The following INPP4B variants were observed in gnomAD, a reference collection of about 807,000 sequenced individuals.
INPP4B encodes the protein inositol polyphosphate 4-phosphatase type II.
INPP4B carries 55 observed loss-of-function variants against 122.5 expected under a neutral mutation model. The ratio of observed to expected loss-of-function variants is 0.45; its 90% CI spans 0.36 to 0.56. The LOEUF (loss-of-function observed/expected upper bound fraction) is 0.56, where lower values mean the gene tolerates loss of function less well. Among genes scored for constraint, INPP4B ranks in the 20% least tolerant of loss-of-function variants. INPP4B has a pLI of 0.00. For synonymous variants in INPP4B, 403 were observed against 388.7 expected (o/e 1.04, Z -0.43); for missense variants, 1,000 against 1,097.7 (o/e 0.91, Z 1.26).
intron 12 of INPP4B, among the ~76,000 whole-genome samples, chr4:142,214,922 A>G (rs1484795605): frequency 6.6e-6 from 1 of 152,192 alleles, no homozygotes; most frequent in Non-Finnish European, 1.5e-5. Flanking sequence ...TATGTGTTAT[A>G]TTACTTATTT....
At chr4:142,760,695 G>A (rs1433532713) in intron 1 of INPP4B, among the ~76,000 whole-genome samples, 4 of 152,006 alleles carry the variant, frequency 2.6e-5, no homozygotes, top group Admixed American at 6.6e-5. Flanking sequence ...ATTAAATTTT[G>A]TATAAAACCA....
intron 5 of INPP4B, among the ~76,000 whole-genome samples, chr4:142,410,640 T>C (rs1414661168): frequency 6.6e-6 from 1 of 152,184 alleles, no homozygotes; most frequent in African/African-American, 2.4e-5. Context: ...AGATAAAACC[T>C]TATTTGAGAG....
intron 2 of INPP4B, among the ~76,000 whole-genome samples, chr4:142,660,204 G>A (rs1380227933): frequency 6.6e-6 from 1 of 152,100 alleles, no homozygotes; most frequent in Non-Finnish European, 1.5e-5. Flanking sequence ...CCCACTTCAT[G>A]GGTACAAGCT....
chr4:142,061,555 A>G (rs1318311711), intron 25 of INPP4B, among the ~76,000 whole-genome samples: 1 of 152,082 alleles, frequency 6.6e-6, no homozygotes, highest in Non-Finnish European at 1.5e-5. Flanking sequence ...GTTAATTTAC[A>G]CCTATTCTTT....
In INPP4B at chr4:142,729,294, C is replaced by T. The variant is rs532156355; in HGVS notation, c.-253-3393G>A. On this transcript the variant is annotated intron_variant, in intron 1 of 25. Transcript: ENST00000262992. ...GTCCACGGCTTGGGGGTTGGGGATCCCTGCTAGCTCATCAAACACATTCTC... is the reference window on the plus strand; with the variant it reads ...GTCCACGGCTTGGGGGTTGGGGATCTCTGCTAGCTCATCAAACACATTCTC... 2.4e-3 allele frequency among the ~76,000 whole-genome samples: 372 copies of T among 152,272 alleles called. 1 individual carries two copies. The highest frequency in any genetic ancestry group is 6.8e-3 in the South Asian group (33 of 4,822).
intron 1 of INPP4B, among the ~76,000 whole-genome samples, chr4:142,805,278 G>A (rs1391592894): frequency 6.6e-6 from 1 of 152,168 alleles, no homozygotes; most frequent in East Asian, 1.9e-4. Flanking sequence ...TTAAAAGGAT[G>A]TCCGCAATCA....
chr4:142,404,609 G>T (rs1022968633), intron 6 of INPP4B, among the ~76,000 whole-genome samples: 13 of 152,098 alleles, frequency 8.5e-5, no homozygotes, highest in African/African-American at 3.1e-4. Flanking sequence ...CCCATCTGAT[G>T]AGTAATATTT....
At chr4:142,766,516 G>A (rs6836554) in intron 1 of INPP4B, among the ~76,000 whole-genome samples, 3,067 of 151,740 alleles carry the variant, frequency 0.02, 101 homozygotes, top group African/African-American at 0.068. Context: ...GATTACAGCC[G>A]TGCACCACCG....
Position 142,136,595 on chromosome 4 carries a change from A to T in INPP4B, c.1720+9245T>A, listed in dbSNP as rs1579036989. ...CCAGGTGAGTTCTCAGAAGAGTTTA[A>T]TATGACTGGATCATGGAGGATGAGG... is the stretch of plus-strand genomic sequence containing the variant. On this transcript the variant is annotated intron_variant, in intron 18 of 25. Coordinates refer to ENST00000262992, the MANE Select transcript of INPP4B (RefSeq NM_001101669.3). Among the ~76,000 whole-genome samples, 5 of 152,318 alleles carry T rather than the reference A, an allele frequency of 3.3e-5. 1 individual carries two copies. The highest frequency in any genetic ancestry group is 3.3e-4 in the Admixed American group (5 of 15,308).
At chr4:142,270,933 T>G (rs1266326372) in intron 9 of INPP4B, among the ~76,000 whole-genome samples, 159 bp from the exon 10 acceptor site, 1 of 148,538 alleles carries the variant, frequency 6.7e-6, no homozygotes, top group South Asian at 2.2e-4. Flanking sequence ...GGGTAGGTGT[T>G]TGTGTGTGTG....
intron 2 of INPP4B, among the ~76,000 whole-genome samples, chr4:142,661,279 G>T (rs1247897546): frequency 6.6e-6 from 1 of 152,110 alleles, no homozygotes; most frequent in Non-Finnish European, 1.5e-5. Flanking sequence ...ACAATACCAG[G>T]GAGGTTTACA....
chr4:142,383,493 T>C (rs925521536), intron 7 of INPP4B, among the ~76,000 whole-genome samples: 1 of 152,132 alleles, frequency 6.6e-6, no homozygotes, highest in Non-Finnish European at 1.5e-5. Flanking sequence ...TAACATCTTC[T>C]GAGCAGACAC....
chr4:142,657,260 G>A (rs1309536904), intron 2 of INPP4B, among the ~76,000 whole-genome samples: 1 of 152,162 alleles, frequency 6.6e-6, no homozygotes, highest in Admixed American at 6.5e-5. Flanking sequence ...TAATCTTTAA[G>A]AAATATAAAC....
intron 2 of INPP4B, among the ~76,000 whole-genome samples, chr4:142,613,349 TAAC>T (rs912954368): frequency 6.6e-5 from 10 of 152,196 alleles, no homozygotes; most frequent in Non-Finnish European, 1.2e-4. Context: ...AATATGAAGA[TAAC>T]AAATGCATGC....
chr4:142,499,220 T>C (rs1313635094), intron 2 of INPP4B, among the ~76,000 whole-genome samples: 1 of 152,136 alleles, frequency 6.6e-6, no homozygotes, highest in Non-Finnish European at 1.5e-5. Context: ...GAAACTGAGT[T>C]TTAATGCCAC....
chr4:142,723,279 C>A (rs1764922365), intron 2 of INPP4B, among the ~76,000 whole-genome samples: 2 of 151,932 alleles, frequency 1.3e-5, no homozygotes, highest in South Asian at 4.1e-4. Flanking sequence ...ATTTAACATT[C>A]CTGCATAATA....
intron 1 of INPP4B, among the ~76,000 whole-genome samples, chr4:142,811,630 C>T (rs76335376): frequency 0.031 from 4,679 of 152,176 alleles, 89 homozygotes; most frequent in Non-Finnish European, 0.041. Context: ...ATTTGCATTC[C>T]TATTTATAGC....
At chr4:142,067,923 G>A (rs1046286969) in intron 25 of INPP4B, among the ~76,000 whole-genome samples, 1 of 152,140 alleles carries the variant, frequency 6.6e-6, no homozygotes. Context: ...TATTATCCAG[G>A]AGAACTTCCC....
At chr4:142,290,195 C>CTTTTTTTTT (rs35260066) in intron 9 of INPP4B, among the ~76,000 whole-genome samples, 23 of 77,482 alleles carry the variant, frequency 3.0e-4, no homozygotes, top group East Asian at 4.3e-4. Flanking sequence ...TTCTTTCTTC[C>CTTTTTTTTT]TTTTTTTTTT....
Sources: gnomAD v4.1 joint callset for allele counts (sites outside exome capture counted in the v4.1 genomes callset) on GRCh38, gnomAD v4.1.1 for gene constraint, MANE v1.5 for transcripts, NCBI Gene and HGNC (gene_info 2026-07-23, HGNC 2026-07-21) for gene names.